Variants in MTIF3 observed in about 807,000 individuals in gnomAD.
The protein encoded by MTIF3 is mitochondrial translational initiation factor 3.
Under a neutral mutation model 20.7 loss-of-function variants are expected in MTIF3, and 13 were observed. That is an observed-to-expected ratio of 0.63 (90% confidence interval 0.41 to 1.00). The LOEUF (loss-of-function observed/expected upper bound fraction) is 1.00. Among genes scored for constraint, MTIF3 ranks in the 50% least tolerant of loss-of-function variants. The probability of loss-of-function intolerance (pLI) is 0.00; values close to 1 mark genes in which losing one functional copy is unlikely to be tolerated. For missense variants in MTIF3, 295 were observed against 324.5 expected, an observed-to-expected ratio of 0.91 and a Z score of 0.70; for synonymous variants, 114 against 112.5, an observed-to-expected ratio of 1.01 and a Z score of -0.08.
intron 1 of MTIF3, among the ~76,000 whole-genome samples, 188 bp from the exon 2 acceptor site, chr13:27,445,344 C>T (rs1954148629): frequency 6.6e-6 from 1 of 151,950 alleles, no homozygotes. Flanking sequence ...GGTGTGTTGA[C>T]ACGCAACTGT....
intron 1 of MTIF3, among the ~76,000 whole-genome samples, chr13:27,446,776 T>G (rs1302486254): frequency 6.6e-6 from 1 of 152,202 alleles, no homozygotes; most frequent in Admixed American, 6.5e-5. Flanking sequence ...CATAGTGCCT[T>G]TATTTCTTCA....
chr13:27,442,668 TTC>T (rs906579911), intron 2 of MTIF3, among the ~76,000 whole-genome samples: 1 of 152,046 alleles, frequency 6.6e-6, no homozygotes, highest in African/African-American at 2.4e-5. Context: ...CACCCAGAAG[TTC>T]TCTCTCCCTG....
rs1468376785 is a variant in MTIF3, at chr13:27,440,175, C to T, written c.274G>A (p.Glu92Lys). The T allele has an allele frequency of 6.2e-7, 1 of 1,614,208 alleles. No homozygotes were observed. Among genetic ancestry groups the T allele is most frequent in the Admixed American group, 1.7e-5 (1 of 60,028 alleles). The change falls in exon 3 of 5, where the codon GAG becomes AAG. Residue 92 changes from glutamate (E) to lysine (K), a missense_variant. By Grantham distance (56) the Glu-to-Lys change is moderately conservative (BLOSUM62 1). Transcript: ENST00000381120. ...ISQRVIHLFDEKGNDLGNMHR... is the reference protein window; with the variant it reads ...ISQRVIHLFDKKGNDLGNMHR... ...ATGTTTCCCAAATCATTGCCCTTCTCATCAAATAAGTGAATAACTCGCTGA... is the reference window on the plus strand; with the variant it reads ...ATGTTTCCCAAATCATTGCCCTTCTTATCAAATAAGTGAATAACTCGCTGA...
intron 4 of MTIF3, 93 bp downstream of exon 4, chr13:27,437,023 T>G: frequency 1.5e-6 from 2 of 1,345,008 alleles, no homozygotes; most frequent in East Asian, 4.7e-5. Context: ...AATGCTGGGA[T>G]TACAGGCGTG....
chr13:27,436,530 A>G (rs758578777), intron 4 of MTIF3, among the ~76,000 whole-genome samples: 1 of 152,200 alleles, frequency 6.6e-6, no homozygotes, highest in African/African-American at 2.4e-5. Flanking sequence ...AAAAATCTAT[A>G]AAGTTTCTAA....
chr13:27,438,798 CTTTTT>C (rs367684607), intron 3 of MTIF3, among the ~76,000 whole-genome samples: 1 of 146,860 alleles, frequency 6.8e-6, no homozygotes, highest in African/African-American at 2.5e-5. Context: ...GCCCAGTGAC[CTTTTT>C]TTTTTTAAGT....
rs1953961230 is a variant in MTIF3, at chr13:27,440,318, G to A, written c.131C>T (p.Pro44Leu). The A allele has an allele frequency of 1.9e-6, 3 of 1,614,154 alleles. 1 individual carries two copies. Among genetic ancestry groups the A allele is most frequent in the East Asian group, 2.2e-5 (1 of 44,886 alleles). ...PAQLSPIASA[P>L]RLSFLIHAKA... ...TGCATGAATTAGGAAGGAGAGTCTT[G>A]GGGCAGAAGCAATAGGGGACAACTG... Residue 44 changes from proline (P) to leucine (L), a missense_variant, in exon 3 of 5, where the codon CCA becomes CTA. Transcript: ENST00000381120.
At chr13:27,449,640 G>T (rs17085635) in intron 1 of MTIF3, among the ~76,000 whole-genome samples, 3,641 of 152,308 alleles carry the variant, frequency 0.024, 71 homozygotes, top group South Asian at 0.091. Flanking sequence ...CAGTCCAGTT[G>T]ACCTTTCCTT....
At position 27,437,133 on chromosome 13, in the gene MTIF3, C is replaced by T. The variant is rs775528305; in HGVS notation, c.601G>A (p.Val201Met). The T allele has an allele frequency of 8.7e-6, 14 of 1,613,480 alleles. No individual in the cohort carries two copies. Among genetic ancestry groups the T allele is most frequent in the South Asian group, 4.4e-5 (4 of 91,044 alleles). Residue 201 changes from valine to methionine, a missense_variant, in exon 4 of 5, where the codon GTG (valine) becomes ATG (methionine). Val to Met is a conservative substitution (Grantham distance 21, BLOSUM62 1). Coordinates refer to ENST00000381120, the MANE Select transcript of MTIF3 (RefSeq NM_152912.5). ...ITIKKGKNVDVSENEMEEIFH... is the reference protein window; with the variant it reads ...ITIKKGKNVDMSENEMEEIFH... The stretch of plus-strand genomic sequence containing the variant: ...TTACTTACCATTTCATTTTCTGACA[C>T]GTCTACATTTTTTCCTTTCTTTATG...
intron 2 of MTIF3, among the ~76,000 whole-genome samples, chr13:27,441,816 C>T (rs563344800): frequency 9.9e-5 from 15 of 152,204 alleles, no homozygotes; most frequent in Non-Finnish European, 2.1e-4. Context: ...AAGAATGGTC[C>T]CAGAATCTCC....
chr13:27,440,375 C>A lies in MTIF3; in HGVS notation c.74G>T (p.Gly25Val). The A allele has an allele frequency of 6.2e-7, 1 of 1,614,090 alleles. No individual in the cohort carries two copies. Among genetic ancestry groups the A allele is most frequent in the Non-Finnish European group, 8.5e-7 (1 of 1,180,022 alleles). The stretch of plus-strand genomic sequence containing the variant: ...TGCTGTCTTTTGCAGGATGTGTTTA[C>A]CAAAACATCTAATGCAACTATTTTC... ...KSENSCIRCF[G>V]KHILQKTAPA... The change falls in exon 3 of 5, where the codon GGT becomes GTT. Residue 25 changes from glycine (G) to valine (V), a missense_variant. Gly to Val is a moderately radical substitution (Grantham distance 109). Coordinates refer to ENST00000381120, the MANE Select transcript of MTIF3 (RefSeq NM_152912.5).
intron 3 of MTIF3, among the ~76,000 whole-genome samples, chr13:27,439,352 C>T (rs1016789067): frequency 3.9e-5 from 6 of 152,052 alleles, no homozygotes; most frequent in Admixed American, 2.6e-4. Flanking sequence ...AAAAATTAGC[C>T]GGGCGTGGTG....
chr13:27,449,091 T>C (rs755479441), intron 1 of MTIF3, among the ~76,000 whole-genome samples: 1 of 152,200 alleles, frequency 6.6e-6, no homozygotes, highest in Admixed American at 6.5e-5. Context: ...GTTAATCCTA[T>C]GTTAGTCTTC....
At chr13:27,437,516 T>A (rs1953827079) in intron 3 of MTIF3, among the ~76,000 whole-genome samples, 1 of 152,224 alleles carries the variant, frequency 6.6e-6, no homozygotes, top group African/African-American at 2.4e-5. Context: ...TAACCATCGT[T>A]TGTTGAAAGA....
chr13:27,450,129 CG>C (rs927073507), intron 1 of MTIF3: 3 of 152,276 alleles, frequency 2.0e-5, no homozygotes, highest in African/African-American at 4.8e-5. Context: ...GGTAAGTCGG[CG>C]GCGACGCCCA....
chr13:27,436,100 C>T (rs1953730801), intron 4 of MTIF3, among the ~76,000 whole-genome samples: 1 of 152,156 alleles, frequency 6.6e-6, no homozygotes, highest in Admixed American at 6.5e-5. Context: ...TGAATGCTTC[C>T]TAATTTTAAA....
intron 4 of MTIF3, among the ~76,000 whole-genome samples, chr13:27,436,694 TG>T (rs1271357788): frequency 6.6e-6 from 1 of 151,358 alleles, no homozygotes; most frequent in Non-Finnish European, 1.5e-5. Context: ...TTAACATCAC[TG>T]GGTGGAAGAA....
intron 2 of MTIF3, among the ~76,000 whole-genome samples, chr13:27,444,179 G>A (rs1209320549): frequency 3.3e-5 from 5 of 152,248 alleles, no homozygotes; most frequent in African/African-American, 1.2e-4. Context: ...GGTGGCGGGC[G>A]CCTGTAGTCC....
At chr13:27,436,743 CAA>C (rs1953772153) in intron 4 of MTIF3, among the ~76,000 whole-genome samples, 1 of 109,108 alleles carries the variant, frequency 9.2e-6, no homozygotes. Flanking sequence ...AGATTTTCTA[CAA>C]TTTTTTTTTT....
Sources: gnomAD v4.1 joint callset for allele counts (sites outside exome capture counted in the v4.1 genomes callset) on GRCh38, gnomAD v4.1.1 for gene constraint, MANE v1.5 for transcripts, NCBI Gene and HGNC (gene_info 2026-07-23, HGNC 2026-07-21) for gene names.